TUBGCP3: variants seen among roughly 807,000 people sequenced by gnomAD.
TUBGCP3 encodes tubulin gamma complex component 3.
TUBGCP3 carries 50 observed loss-of-function variants against 123.1 expected under a neutral mutation model. The observed-to-expected ratio is 0.41, with a 90% CI of 0.32 to 0.51. TUBGCP3 has a LOEUF of 0.51. Among genes scored for constraint, TUBGCP3 ranks in the 20% least tolerant of loss-of-function variants. TUBGCP3 has a pLI of 0.36. For missense variants in TUBGCP3, 882 were observed against 1,127.0 expected, an observed-to-expected ratio of 0.78 and a Z score of 3.11; for synonymous variants, 405 against 413.9, an observed-to-expected ratio of 0.98 and a Z score of 0.26.
rs576642076 is a variant in TUBGCP3, at chr13:112,513,716, C to A, written c.2086+2724G>T. ...CATGAAGCTGCTTGGCCATGAACTA[C>A]TTTAAAATACTTCTTTATTAAAGGT... On this transcript the variant is annotated intron_variant, in intron 17 of 21. Coordinates refer to ENST00000261965, the MANE Select transcript of TUBGCP3 (RefSeq NM_006322.6). Among the ~76,000 whole-genome samples, 6 of 152,140 alleles carry A rather than the reference C, an allele frequency of 3.9e-5. No homozygotes were observed. The South Asian group carries it at 1.2e-3, about 32-fold the overall frequency.
At chr13:112,502,735 C>T (rs1009741212) in intron 19 of TUBGCP3, among the ~76,000 whole-genome samples, 45 of 151,700 alleles carry the variant, frequency 3.0e-4, no homozygotes, top group African/African-American at 9.7e-4. Flanking sequence ...TTAGTAGAGA[C>T]GGGGTTTCAC....
At chr13:112,514,565 A>G (rs937294149) in intron 17 of TUBGCP3, among the ~76,000 whole-genome samples, 3 of 152,234 alleles carry the variant, frequency 2.0e-5, no homozygotes, top group African/African-American at 7.2e-5. Flanking sequence ...ATGAACTTCC[A>G]TTTTCACCTA....
In TUBGCP3 at chr13:112,526,896, A is replaced by T. The variant is rs538531461; in HGVS notation, c.1555+46T>A. 8 of 1,358,890 alleles carry T rather than the reference A, an allele frequency of 5.9e-6. No homozygotes were observed. In the African/African-American group the frequency reaches 1.0e-4, roughly 17 times the overall value. 84.2% of individuals were successfully genotyped at this position (1,358,890 alleles called of 1,614,324 possible). A position where few individuals can be genotyped will look rare whatever the true frequency, so the allele number is the denominator to read the frequency against. ...TATCACCATCCTCACATCATCATCAACATCACACCATTGCCATCATCACCA... is the reference window on the plus strand; with the variant it reads ...TATCACCATCCTCACATCATCATCATCATCACACCATTGCCATCATCACCA... On this transcript the variant is annotated intron_variant, in intron 13 of 21. Transcript: ENST00000261965.
intron 14 of TUBGCP3, among the ~76,000 whole-genome samples, chr13:112,521,439 C>T (rs1876616061): frequency 6.6e-6 from 1 of 152,186 alleles, no homozygotes; most frequent in Non-Finnish European, 1.5e-5. Flanking sequence ...TCCCCACAAA[C>T]GCAGCATCAC....
At chr13:112,546,429 T>G (rs1878995189) in intron 10 of TUBGCP3, 2 of 152,734 alleles carry the variant, frequency 1.3e-5, no homozygotes, top group South Asian at 4.1e-4. Flanking sequence ...TATGAAGGAC[T>G]GGGAGTGGCA....
At chr13:112,573,997 C>T (rs985735956) in intron 1 of TUBGCP3, among the ~76,000 whole-genome samples, 1 of 152,038 alleles carries the variant, frequency 6.6e-6, no homozygotes, top group Non-Finnish European at 1.5e-5. Flanking sequence ...CTGCCCAATC[C>T]GCAGAGAATC....
the TUBGCP3 span, among the ~76,000 whole-genome samples, chr13:112,597,362 A>T: frequency 1.3e-5 from 2 of 152,236 alleles, no homozygotes; most frequent in Non-Finnish European, 2.9e-5. Flanking sequence ...ACTTGCAAGA[A>T]TCAAACATAA....
chr13:112,515,465 C>G (rs9783566), intron 17 of TUBGCP3, among the ~76,000 whole-genome samples: 428 of 152,302 alleles, frequency 2.8e-3, no homozygotes, highest in African/African-American at 9.6e-3. Flanking sequence ...GAATCCGCAA[C>G]AGTGGCGAGA....
At chr13:112,515,800 T>C (rs7985083) in intron 17 of TUBGCP3, among the ~76,000 whole-genome samples, 13,397 of 152,226 alleles carry the variant, frequency 0.088, 1,527 homozygotes, top group African/African-American at 0.25. Context: ...TCTGGATCTC[T>C]GGTAGCTGCT....
Position 112,560,891 on chromosome 13 carries a change from T to C in TUBGCP3, c.253-1492A>G, listed in dbSNP as rs115583601. Among the ~76,000 whole-genome samples, 959 of 152,020 alleles carry C rather than the reference T, an allele frequency of 6.3e-3. 9 individuals are homozygous for C. The highest frequency in any genetic ancestry group is 0.022 in the African/African-American group (900 of 41,436). On this transcript the variant is annotated intron_variant, in intron 3 of 21. Transcript: ENST00000261965. ...AAGTGGGCAGATGCAACGTGACAAA[T>C]GGCACTTCACAGCTCACAAAAGGGC...
chr13:112,596,603 T>C, the TUBGCP3 span, among the ~76,000 whole-genome samples: 1 of 152,218 alleles, frequency 6.6e-6, no homozygotes, highest in Non-Finnish European at 1.5e-5. Context: ...GTTCAGCTTC[T>C]TGAATCTATA....
intron 1 of TUBGCP3, among the ~76,000 whole-genome samples, chr13:112,576,325 T>G (rs1279611736): frequency 1.3e-5 from 2 of 151,948 alleles, no homozygotes; most frequent in Non-Finnish European, 2.9e-5. Context: ...TTTCAAGGGG[T>G]TGCAGTAGAA....
rs867874277 is a variant in TUBGCP3, at chr13:112,488,738, T to C, written c.2565+843A>G. Among the ~76,000 whole-genome samples, 98 of 111,126 alleles carry C rather than the reference T, an allele frequency of 8.8e-4. No individual in the cohort carries two copies. In the Middle Eastern group the frequency reaches 0.035, roughly 39 times the overall value. The allele number at this position is 111,126 out of a possible 152,430, so 72.9% of individuals were successfully genotyped here. On this transcript the variant is annotated intron_variant, in intron 21 of 21. Transcript: ENST00000261965. ...GGGGAGCACAGGAGCCACCCCCAGG[T>C]CTCCACACCCACCACAGGGGAGCAC... is the stretch of plus-strand genomic sequence containing the variant.
upstream of TUBGCP3, among the ~76,000 whole-genome samples, chr13:112,589,749 C>T (rs1468271029): frequency 6.6e-6 from 1 of 152,168 alleles, no homozygotes; most frequent in Non-Finnish European, 1.5e-5. Context: ...CTCAAAAAAG[C>T]AAGATAAGCC....
intron 3 of TUBGCP3, among the ~76,000 whole-genome samples, chr13:112,560,803 G>A (rs907141327): frequency 6.6e-6 from 1 of 152,310 alleles, no homozygotes; most frequent in South Asian, 2.1e-4. Context: ...TCCCCAGCCA[G>A]GGCCACGAGG....
At chr13:112,562,886 C>T (rs1273596268) in intron 3 of TUBGCP3, among the ~76,000 whole-genome samples, 3 of 152,228 alleles carry the variant, frequency 2.0e-5, no homozygotes, top group African/African-American at 7.2e-5. Flanking sequence ...GTGCCCAGCA[C>T]AAGAGCTGAT....
At chr13:112,549,349 G>A (rs543766988) in intron 8 of TUBGCP3, among the ~76,000 whole-genome samples, 14 of 151,954 alleles carry the variant, frequency 9.2e-5, no homozygotes, top group African/African-American at 3.1e-4. Context: ...TGGGGGGAGC[G>A]GGGAGGGATG....
chr13:112,508,456 G>A lies in TUBGCP3; in HGVS notation c.2087-3742C>T, dbSNP rs190360612. On this transcript the variant is annotated intron_variant, in intron 17 of 21. Transcript: ENST00000261965. The surrounding 1 kb of genome is among the most constrained non-coding windows in gnomAD (Gnocchi z 4.2). Reference sequence around the variant, plus strand: ...GGGGCCTGTTAGTTGAAAAGGTATCGTGCACCACGACAGACAGGTCTACAG... The same window carrying A: ...GGGGCCTGTTAGTTGAAAAGGTATCATGCACCACGACAGACAGGTCTACAG... Among the ~76,000 whole-genome samples the A allele has an allele frequency of 2.7e-3, 411 of 152,218 alleles. 3 individuals are homozygous for A. Among genetic ancestry groups the A allele is most frequent in the African/African-American group, 9.3e-3 (385 of 41,542 alleles).
intron 1 of TUBGCP3, among the ~76,000 whole-genome samples, chr13:112,583,866 C>T (rs932626541): frequency 6.6e-6 from 1 of 152,140 alleles, no homozygotes; most frequent in Non-Finnish European, 1.5e-5. Flanking sequence ...CACTAGCCAC[C>T]CTTGACTCCA....
Sources: allele counts gnomAD v4.1 joint callset (sites outside exome capture counted in the v4.1 genomes callset), GRCh38; gene constraint gnomAD v4.1.1; non-coding constraint Gnocchi (gnomAD v3.1); transcripts MANE v1.5; gene names NCBI Gene and HGNC (gene_info 2026-07-23, HGNC 2026-07-21).